Variants in TMPRSS15 observed in about 807,000 individuals in gnomAD.
The protein encoded by TMPRSS15 is transmembrane serine protease 15, also known as enteropeptidase.
A neutral mutation model predicts 125.3 loss-of-function variants in TMPRSS15; 128 were observed. The observed-to-expected ratio is 1.02, with a 90% CI of 0.89 to 1.18. TMPRSS15 has a LOEUF of 1.18. TMPRSS15 is among the 50% of genes most tolerant of loss of function. TMPRSS15 has a pLI of 0.00. For missense variants in TMPRSS15, 1,283 were observed against 1,212.7 expected, an observed-to-expected ratio of 1.06 and a Z score of -0.86; for synonymous variants, 446 against 423.2, an observed-to-expected ratio of 1.05 and a Z score of -0.66.
rs577336108 is a variant in TMPRSS15, at chr21:18,343,988, T to C, written c.1244A>G (p.Asp415Gly). ...AAGGCAAGCTGGCTCCAAAGTGGGG[T>C]CCAAAGGGAGGCTTAAAAGCCCCAC... ...ERVGLLSLPL[D>G]PTLEPACLSF... is the part of the protein sequence containing the mutation. Residue 415 changes from aspartate (D) to glycine (G), a missense_variant, in exon 11 of 25, where the codon GAC becomes GGC. Asp to Gly is a moderately conservative substitution (Grantham distance 94). Coordinates refer to ENST00000284885, the MANE Select transcript of TMPRSS15 (RefSeq NM_002772.3). The C allele has an allele frequency of 6.2e-7, 1 of 1,613,944 alleles. No homozygotes were observed. The highest frequency in any genetic ancestry group is 1.1e-5 in the South Asian group (1 of 91,072).
Position 18,375,793 on chromosome 21 carries a change from C to T in TMPRSS15, c.533-3469G>A, listed in dbSNP as rs2075835887. On this transcript the variant is annotated intron_variant, in intron 5 of 24. Transcript: ENST00000284885. ...TCAAAGATGATTATTTCAGAGTGAT[C>T]CAATGTCCAAAAAATTTCCAGTGAT... 1.3e-5 allele frequency among the ~76,000 whole-genome samples: 2 copies of T among 152,106 alleles called. 1 individual carries two copies. The highest frequency in any genetic ancestry group is 1.3e-4 in the Admixed American group (2 of 15,264).
intron 14 of TMPRSS15, 63 bp from the exon 15 acceptor site, chr21:18,329,357 C>A (rs2075322651): frequency 9.1e-6 from 14 of 1,531,082 alleles, no homozygotes; most frequent in African/African-American, 1.4e-5. Context: ...AAAAGCTTCA[C>A]TCTCTTGAGA....
chr21:18,323,376 G>A (rs1016732967), intron 16 of TMPRSS15, among the ~76,000 whole-genome samples: 1 of 152,148 alleles, frequency 6.6e-6, no homozygotes, highest in Non-Finnish European at 1.5e-5. Context: ...TTACATGGCA[G>A]CAGGCAAGAG....
At chr21:18,327,095 C>T (rs929423466) in intron 15 of TMPRSS15, among the ~76,000 whole-genome samples, 12 of 152,094 alleles carry the variant, frequency 7.9e-5, no homozygotes, top group African/African-American at 2.9e-4. Flanking sequence ...AACAATAAAA[C>T]ATTCTTTACT....
chr21:18,387,612 T>TACACAAACACAC (rs2075955542), intron 3 of TMPRSS15, among the ~76,000 whole-genome samples: 1 of 145,148 alleles, frequency 6.9e-6, no homozygotes, highest in South Asian at 2.2e-4. Context: ...CACACACACA[T>TACACAAACACAC]ACACACACAC....
At chr21:18,399,547 A>T (rs1342436693) in intron 1 of TMPRSS15, among the ~76,000 whole-genome samples, 1 of 152,160 alleles carries the variant, frequency 6.6e-6, no homozygotes, top group Admixed American at 6.5e-5. Context: ...AAGGAAGCGT[A>T]ATAACTAAAT....
At chr21:18,301,522 T>C (rs765831496) in intron 18 of TMPRSS15, among the ~76,000 whole-genome samples, 1 of 152,216 alleles carries the variant, frequency 6.6e-6, no homozygotes, top group Non-Finnish European at 1.5e-5. Flanking sequence ...TTAAGTTCTG[T>C]AATATTTAAG....
intron 21 of TMPRSS15, among the ~76,000 whole-genome samples, chr21:18,284,846 C>G (rs2074743775): frequency 6.6e-6 from 1 of 151,940 alleles, no homozygotes; most frequent in African/African-American, 2.4e-5. Context: ...ACTAAAAATA[C>G]AAAAATTAGC....
rs746318360 is a variant in TMPRSS15 at position 18,281,129 on chromosome 21, T to G, written c.2579A>C (p.Asp860Ala). Residue 860 changes from aspartate to alanine, a missense_variant, in exon 22 of 25, where the codon GAT (aspartate) becomes GCT (alanine). Coordinates refer to ENST00000284885, the MANE Select transcript of TMPRSS15 (RefSeq NM_002772.3). The stretch of plus-strand genomic sequence containing the variant: ...GTAATGAGGGTTTATGACAATTTCA[T>G]CTATTAATCGAGGGACTGTTTGAGG... ...TSPQTVPRLIDEIVINPHYNR... is the reference protein window; with the variant it reads ...TSPQTVPRLIAEIVINPHYNR... The G allele has an allele frequency of 1.9e-6, 3 of 1,613,974 alleles. No homozygotes were observed. The highest frequency in any genetic ancestry group is 4.5e-5 in the East Asian group (2 of 44,868).
chr21:18,407,191 A>C (rs896951310), upstream of TMPRSS15, among the ~76,000 whole-genome samples: 10 of 152,184 alleles, frequency 6.6e-5, no homozygotes, highest in Admixed American at 2.6e-4. Flanking sequence ...GAAATAGAAC[A>C]ACAAGGTGTA....
chr21:18,269,919 G>C lies in TMPRSS15; in HGVS notation c.*50C>G, dbSNP rs773450967. On this transcript the variant is annotated 3_prime_UTR_variant, in exon 25 of 25. Transcript: ENST00000284885. ...AAACACTTAATTTCCATGCTTTCTA[G>C]AGTAGAATGGGAAAATAATGCGACT... 2 of 1,602,976 alleles carry C rather than the reference G, an allele frequency of 1.2e-6. No homozygotes were observed. The highest frequency in any genetic ancestry group is 2.2e-5 in the South Asian group (2 of 90,440).
intron 19 of TMPRSS15, among the ~76,000 whole-genome samples, chr21:18,296,123 A>T (rs930754626): frequency 3.3e-5 from 5 of 152,230 alleles, no homozygotes; most frequent in African/African-American, 1.2e-4. Flanking sequence ...ACTGCACTCC[A>T]GCCTGGGCAA....
At chr21:18,418,713 T>C (rs985755070) in intron 1 of TMPRSS15, among the ~76,000 whole-genome samples, 2 of 152,182 alleles carry the variant, frequency 1.3e-5, no homozygotes, top group Non-Finnish European at 2.9e-5. Flanking sequence ...CAGAAGACAA[T>C]ATTGTGATTT....
chr21:18,347,189 T>C (rs1203192419), intron 10 of TMPRSS15, among the ~76,000 whole-genome samples: 1 of 152,300 alleles, frequency 6.6e-6, no homozygotes, highest in African/African-American at 2.4e-5. Context: ...TTTTGAATTC[T>C]CGGTGGCACT....
intron 1 of TMPRSS15, among the ~76,000 whole-genome samples, chr21:18,435,197 C>T (rs376287223): frequency 2.0e-5 from 3 of 152,158 alleles, no homozygotes; most frequent in East Asian, 1.9e-4. Flanking sequence ...GAGGGCATCC[C>T]TGTCTTGTGC....
At chr21:18,437,703 C>T (rs2076231012) in intron 1 of TMPRSS15, among the ~76,000 whole-genome samples, 1 of 152,166 alleles carries the variant, frequency 6.6e-6, no homozygotes, top group Admixed American at 6.5e-5. Flanking sequence ...GACATTTATG[C>T]AGCCAAAAGA....
intron 1 of TMPRSS15, among the ~76,000 whole-genome samples, chr21:18,419,742 C>T (rs2076188242): frequency 6.6e-6 from 1 of 152,150 alleles, no homozygotes; most frequent in Admixed American, 6.5e-5. Flanking sequence ...AGCCATGCAT[C>T]TGTAGTCGTT....
At chr21:18,419,567 C>A (rs1309217719) in intron 1 of TMPRSS15, among the ~76,000 whole-genome samples, 1 of 152,134 alleles carries the variant, frequency 6.6e-6, no homozygotes. Flanking sequence ...TCTCTTTCTT[C>A]TTTGGACATA....
chr21:18,359,780 A>G lies in TMPRSS15; in HGVS notation c.857T>C (p.Val286Ala), dbSNP rs1000801241. ...YTDILDIYEG[V>A]GSSKILRASI... is the part of the protein sequence containing the mutation. ...ACCTCTTAAAATCTTGCTTGATCCT[A>G]CACCTTCATAAATATCTAATATATC... is the stretch of plus-strand genomic sequence containing the variant. The change falls in exon 8 of 25, where the codon GTA (valine) becomes GCA (alanine). Residue 286 changes from valine to alanine, a missense_variant. Transcript: ENST00000284885. 2 of 1,450,212 alleles carry G rather than the reference A, an allele frequency of 1.4e-6. No homozygotes were observed. Among genetic ancestry groups the G allele is most frequent in the African/African-American group, 2.8e-5 (2 of 71,790 alleles). The allele number at this position is 1,450,212 out of a possible 1,614,324, so 89.8% of individuals were successfully genotyped here.
Sources: allele counts gnomAD v4.1 joint callset (sites outside exome capture counted in the v4.1 genomes callset), GRCh38; gene constraint gnomAD v4.1.1; transcripts MANE v1.5; gene names NCBI Gene and HGNC (gene_info 2026-07-23, HGNC 2026-07-21).